Variants in DCC observed in about 807,000 individuals in gnomAD.
DCC encodes the protein netrin receptor DCC.
In DCC, 58 loss-of-function variants were observed where a neutral mutation model predicts 172.5. The ratio of observed to expected loss-of-function variants is 0.34; its 90% confidence interval spans 0.27 to 0.42. DCC has a LOEUF of 0.42. DCC is among the 10% of genes least tolerant of loss of function. DCC has a pLI of 1.00. For synonymous variants in DCC, 709 were observed against 644.5 expected, an observed-to-expected ratio of 1.10 and a Z score of -1.52; for missense variants, 1,740 against 1,791.0, an observed-to-expected ratio of 0.97 and a Z score of 0.51.
chr18:53,043,233 C>T (rs537815586), intron 5 of DCC, among the ~76,000 whole-genome samples: 3 of 150,960 alleles, frequency 2.0e-5, no homozygotes, highest in Non-Finnish European at 4.4e-5. Context: ...AACCAAACAG[C>T]GCATGTTCTC....
chr18:53,526,829 A>G, intron 28 of DCC, 70 bp downstream of exon 28: 2 of 1,544,320 alleles, frequency 1.3e-6, no homozygotes, highest in South Asian at 1.1e-5. Context: ...TAGCATCTAA[A>G]CCAATGAGTA....
At chr18:52,969,013 A>G (rs1383918828) in intron 5 of DCC, among the ~76,000 whole-genome samples, 2 of 151,896 alleles carry the variant, frequency 1.3e-5, no homozygotes, top group Non-Finnish European at 2.9e-5. Context: ...AAAAACAACA[A>G]CAACAAAAAA....
chr18:53,037,297 G>A lies in DCC; in HGVS notation c.986-26008G>A, dbSNP rs554558067. On this transcript the variant is annotated intron_variant, in intron 5 of 28. Coordinates refer to ENST00000442544, the MANE Select transcript of DCC (RefSeq NM_005215.4). The stretch of plus-strand genomic sequence containing the variant: ...ATAAATGAACTGGCAATGTGTAGTT[G>A]AAGAAGATAGCTTAAAGGGAAACAA... 2.6e-5 allele frequency among the ~76,000 whole-genome samples: 4 copies of A among 152,112 alleles called. No homozygotes were observed. In the South Asian group the frequency reaches 6.2e-4, roughly 24 times the overall value.
At chr18:53,257,679 T>C (rs528151735) in intron 12 of DCC, among the ~76,000 whole-genome samples, 17 of 152,124 alleles carry the variant, frequency 1.1e-4, no homozygotes, top group Non-Finnish European at 2.1e-4. Context: ...CTCTTTTTTT[T>C]GTTGTGTCTC....
Position 53,486,779 on chromosome 18 carries a change from A to C in DCC, c.3737-18A>C, listed in dbSNP as rs1568162837. The C allele has an allele frequency of 6.2e-7, 1 of 1,614,132 alleles. No homozygotes were observed. Among genetic ancestry groups the C allele is most frequent in the East Asian group, 2.2e-5 (1 of 44,856 alleles). ...ATACATAAGGTTCAAAAAACCCATT[A>C]ACCTTTTTCTTTTGCAGCTGTCGTG... On this transcript the variant is annotated intron_variant, in intron 25 of 28. Transcript: ENST00000442544.
intron 21 of DCC, among the ~76,000 whole-genome samples, chr18:53,426,831 A>T (rs974095175): frequency 4.6e-5 from 7 of 151,750 alleles, no homozygotes; most frequent in Non-Finnish European, 1.0e-4. Context: ...TAAATGATGA[A>T]ATACTGTGCT....
chr18:53,119,328 C>A (rs2043450359), intron 7 of DCC, among the ~76,000 whole-genome samples: 1 of 151,752 alleles, frequency 6.6e-6, no homozygotes, highest in Non-Finnish European at 1.5e-5. Context: ...CTCTCACCAC[C>A]CTACTGCCCT....
At chr18:53,020,657 C>A (rs1443816694) in intron 5 of DCC, among the ~76,000 whole-genome samples, 1 of 152,168 alleles carries the variant, frequency 6.6e-6, no homozygotes, top group Non-Finnish European at 1.5e-5. Context: ...TAAACTGTAA[C>A]TAATACTATA....
intron 12 of DCC, among the ~76,000 whole-genome samples, chr18:53,236,572 T>C (rs1005109311): frequency 5.9e-5 from 9 of 152,134 alleles, no homozygotes; most frequent in African/African-American, 2.2e-4. Flanking sequence ...TTTTACTTTT[T>C]TAATGCTGTC....
intron 1 of DCC, among the ~76,000 whole-genome samples, chr18:52,751,747 G>C (rs181869062): frequency 1.1e-4 from 17 of 152,016 alleles, no homozygotes; most frequent in Admixed American, 2.0e-4. Context: ...GAAAATATTA[G>C]TTTTTTCTGT....
At chr18:52,491,297 T>A (rs1457800303) in intron 1 of DCC, among the ~76,000 whole-genome samples, 4 of 152,082 alleles carry the variant, frequency 2.6e-5, no homozygotes, top group Non-Finnish European at 5.9e-5. Flanking sequence ...TGCAGTCTAA[T>A]GGAGGAGAAA....
rs118191769 is a variant in DCC, at chr18:52,451,024, A to G, written c.91+110146A>G. Among the ~76,000 whole-genome samples, 15 of 152,342 alleles carry G rather than the reference A, an allele frequency of 9.8e-5. No homozygotes were observed. In the East Asian group the frequency reaches 2.3e-3, roughly 24 times the overall value. ...AGATATTAAAATGTTTGCCTTGGTT[A>G]TGAAAGGTTAGGTGACCAGCTATTG... is the stretch of plus-strand genomic sequence containing the variant. On this transcript the variant is annotated intron_variant, in intron 1 of 28. Coordinates refer to ENST00000442544, the MANE Select transcript of DCC (RefSeq NM_005215.4).
At position 52,571,954 on chromosome 18, in the gene DCC, G is replaced by A. The variant is rs73450918; in HGVS notation, c.92-180100G>A. Among the ~76,000 whole-genome samples the A allele has an allele frequency of 6.2e-3, 944 of 152,108 alleles. 11 individuals carry two copies. Among genetic ancestry groups the A allele is most frequent in the African/African-American group, 0.022 (907 of 41,488 alleles). On this transcript the variant is annotated intron_variant, in intron 1 of 28. Transcript: ENST00000442544. Reference sequence around the variant, plus strand: ...AGTTTGCTGAGTGGTCAATCTAATGGCAAAATTAAAACACACATAGAACAT... The same window carrying A: ...AGTTTGCTGAGTGGTCAATCTAATGACAAAATTAAAACACACATAGAACAT...
chr18:52,671,532 CTTTTTTTTTT>C (rs761856360), intron 1 of DCC, among the ~76,000 whole-genome samples: 4 of 116,994 alleles, frequency 3.4e-5, no homozygotes, highest in African/African-American at 1.3e-4. Context: ...ATATGCCAAC[CTTTTTTTTTT>C]TTTTTTTTTT....
At chr18:53,312,357 A>G (rs2057284363) in intron 13 of DCC, among the ~76,000 whole-genome samples, 5 of 144,076 alleles carry the variant, frequency 3.5e-5, no homozygotes, top group South Asian at 2.3e-4. Context: ...AAAAAAAAAA[A>G]AAAAAAGAAA....
chr18:53,299,454 G>T (rs1235091933), intron 12 of DCC, among the ~76,000 whole-genome samples: 1 of 152,188 alleles, frequency 6.6e-6, no homozygotes, highest in East Asian at 1.9e-4. Flanking sequence ...GCTTGTTCTT[G>T]ATATTTCCTG....
chr18:52,547,736 C>G (rs2032657110), intron 1 of DCC, among the ~76,000 whole-genome samples: 1 of 152,078 alleles, frequency 6.6e-6, no homozygotes, highest in Non-Finnish European at 1.5e-5. Context: ...GGTGAAGGAA[C>G]AGCATGAGCA....
intron 12 of DCC, among the ~76,000 whole-genome samples, chr18:53,260,616 G>T (rs1037820046): frequency 5.9e-5 from 9 of 152,180 alleles, no homozygotes; most frequent in Admixed American, 3.9e-4. Context: ...TGCCCCTACT[G>T]GGGGGTGCCT....
At chr18:53,043,000 A>G (rs1357085827) in intron 5 of DCC, among the ~76,000 whole-genome samples, 1 of 151,996 alleles carries the variant, frequency 6.6e-6, no homozygotes, top group East Asian at 1.9e-4. Flanking sequence ...TCATTCTTCT[A>G]TAAAGACATA....
Sources: gnomAD v4.1 joint callset for allele counts (sites outside exome capture counted in the v4.1 genomes callset) on GRCh38, gnomAD v4.1.1 for gene constraint, MANE v1.5 for transcripts, NCBI Gene and HGNC (gene_info 2026-07-23, HGNC 2026-07-21) for gene names.